The following DTX2 variants were observed in gnomAD, a reference collection of about 807,000 sequenced individuals.
DTX2 encodes the protein deltex E3 ubiquitin ligase 2.
In DTX2, 29 loss-of-function variants were observed where a neutral mutation model predicts 55.3. The observed-to-expected ratio is 0.52, with a 90% CI of 0.39 to 0.71. DTX2 has a LOEUF of 0.71. Ranked by LOEUF, DTX2 falls within the 30% of genes least tolerant of loss-of-function variation. The pLI, the probability that DTX2 is intolerant of heterozygous loss-of-function variation, is 0.00. For missense variants in DTX2, 537 were observed against 822.5 expected (o/e 0.65, Z 4.25); for synonymous variants, 276 against 340.4 (o/e 0.81, Z 2.08).
chr7:76,468,240 G>A (rs1259544415), intron 2 of DTX2, among the ~76,000 whole-genome samples: 1 of 152,160 alleles, frequency 6.6e-6, no homozygotes, highest in Non-Finnish European at 1.5e-5. Context: ...TAGGTGTTGG[G>A]CAAAGGCTGA....
intron 4 of DTX2, among the ~76,000 whole-genome samples, chr7:76,491,337 C>G (rs1336943160): frequency 7.1e-6 from 1 of 141,266 alleles, no homozygotes; most frequent in Non-Finnish European, 1.5e-5. Context: ...CTCTGTTGTC[C>G]AGGCTGGAGT....
intron 2 of DTX2, chr7:76,471,110 C>G (rs1296521310): frequency 1.2e-6 from 1 of 839,014 alleles, no homozygotes; most frequent in African/African-American, 1.7e-5. Flanking sequence ...GAACGAAATC[C>G]TGCTTTGCTT....
chr7:76,469,908 A>T (rs62475630), intron 2 of DTX2, among the ~76,000 whole-genome samples: 30,057 of 147,904 alleles, frequency 0.2, 2,495 homozygotes, highest in South Asian at 0.27. Context: ...GTGGTATGGA[A>T]ATATCCCGCT....
Position 76,483,032 on chromosome 7 carries a change from A to G in DTX2, c.793A>G (p.Asn265Asp). 2 of 1,613,310 alleles carry G rather than the reference A, an allele frequency of 1.2e-6. No individual in the cohort carries two copies. Among genetic ancestry groups the G allele is most frequent in the South Asian group, 2.2e-5 (2 of 91,016 alleles). The change falls in exon 4 of 11, where the codon AAC becomes GAC. Residue 265 changes from asparagine to aspartate, a missense_variant. Physicochemically the swap from Asn to Asp is conservative, Grantham distance 23. Coordinates refer to ENST00000430490, the MANE Select transcript of DTX2 (RefSeq NM_001102594.3). Reference protein sequence around the residue: ...ARSAPRLNTTNAWGAAPPSLG... With the variant: ...ARSAPRLNTTDAWGAAPPSLG... The stretch of plus-strand genomic sequence containing the variant: ...GTCTGCGCCCAGGCTGAACACCACC[A>G]ACGCCTGGGGCGCAGCTCCTCCTTC...
Position 76,505,714 on chromosome 7 carries a change from G to T in DTX2, c.*113G>T. 1 of 1,170,194 alleles carries T rather than the reference G, an allele frequency of 8.5e-7. No homozygotes were observed. Among genetic ancestry groups the T allele is most frequent in the Admixed American group, 2.4e-5 (1 of 42,490 alleles). The allele number at this position is 1,170,194 out of a possible 1,614,324, so 72.5% of individuals were successfully genotyped here. Reference sequence around the variant, plus strand: ...AGGCTGGGAGGTTTGTTGAGGGTGTGGGGTGTGCCCCACCTGAAGCCGGGG... The same window carrying T: ...AGGCTGGGAGGTTTGTTGAGGGTGTTGGGTGTGCCCCACCTGAAGCCGGGG... On this transcript the variant is annotated 3_prime_UTR_variant, in exon 11 of 11. Transcript: ENST00000430490. This position sits in a 1 kb window ranked among gnomAD's most constrained non-coding sequence, Gnocchi z 4.4.
At chr7:76,463,072 ACAAAAAAC>A (rs1403609687) in intron 1 of DTX2, among the ~76,000 whole-genome samples, 1 of 56,336 alleles carries the variant, frequency 1.8e-5, no homozygotes, top group Non-Finnish European at 4.6e-5. Context: ...GTCTCAAAAA[ACAAAAAAC>A]AAACAAACTA....
intron 2 of DTX2, among the ~76,000 whole-genome samples, chr7:76,469,169 A>G (rs1244077128): frequency 6.6e-6 from 1 of 150,516 alleles, no homozygotes; most frequent in Non-Finnish European, 1.5e-5. Flanking sequence ...CACTGCAAAG[A>G]CTTTTTCTGT....
intron 2 of DTX2, among the ~76,000 whole-genome samples, chr7:76,475,882 A>C (rs1808501058): frequency 2.3e-5 from 1 of 44,436 alleles, no homozygotes; most frequent in African/African-American, 9.1e-5. Context: ...CAATCCTCCC[A>C]CCTCAGCCTC....
chr7:76,482,964 A>C lies in DTX2; in HGVS notation c.725A>C (p.Gln242Pro). The change falls in exon 4 of 11, where the codon CAG becomes CCG. Residue 242 changes from glutamine (Q) to proline (P), a missense_variant. Around this residue, in one of 7 missense-constraint regions of DTX2, gnomAD observed 301 missense variants for 396.6 expected, o/e 0.76. Transcript: ENST00000430490. ...HRTASVFGTH[Q>P]AFAPYNKPSL... Reference sequence around the variant, plus strand: ...ACCGCTTCTGTGTTTGGGACCCACCAGGCCTTTGCACCGTACAACAAACCC... The same window carrying C: ...ACCGCTTCTGTGTTTGGGACCCACCCGGCCTTTGCACCGTACAACAAACCC... 6 of 1,613,666 alleles carry C rather than the reference A, an allele frequency of 3.7e-6. No homozygotes were observed. The highest frequency in any genetic ancestry group is 5.1e-6 in the Non-Finnish European group (6 of 1,179,742).
At chr7:76,499,050 G>A in intron 6 of DTX2, among the ~76,000 whole-genome samples, 1 of 47,726 alleles carries the variant, frequency 2.1e-5, no homozygotes, top group Non-Finnish European at 3.8e-5. Context: ...GTGTGTGGAG[G>A]TGGGTGTGTG....
At chr7:76,469,414 A>G (rs1807623035) in intron 2 of DTX2, among the ~76,000 whole-genome samples, 1 of 103,188 alleles carries the variant, frequency 9.7e-6, no homozygotes. Flanking sequence ...TTTTTTTGAG[A>G]CGGATTCTCA....
Position 76,469,525 on chromosome 7 carries a change from T to G in DTX2, c.-90+5816T>G, listed in dbSNP as rs539042914. ...CTCCTGCCTCAGCCTCCCGAGTAAC[T>G]GGGACTACAGGCGCTCGCCACCACA... On this transcript the variant is annotated intron_variant, in intron 2 of 10. Coordinates refer to ENST00000430490, the MANE Select transcript of DTX2 (RefSeq NM_001102594.3). 2.0e-5 allele frequency among the ~76,000 whole-genome samples: 3 copies of G among 150,600 alleles called. 1 individual carries two copies. The South Asian group carries it at 6.3e-4, about 32-fold the overall frequency.
chr7:76,492,475 C>CGGT (rs1810541627), intron 5 of DTX2, among the ~76,000 whole-genome samples: 1 of 114,036 alleles, frequency 8.8e-6, no homozygotes, highest in African/African-American at 3.8e-5. Flanking sequence ...GGTGGGCGCT[C>CGGT]GGGTGCAGAC....
intron 2 of DTX2, among the ~76,000 whole-genome samples, chr7:76,475,736 A>G (rs1808487634): frequency 6.7e-6 from 1 of 149,434 alleles, no homozygotes; most frequent in Admixed American, 6.7e-5. Context: ...TTCCAGTGAC[A>G]TTTTAGTGTT....
intron 7 of DTX2, chr7:76,501,360 G>A (rs1004207065): frequency 2.5e-5 from 11 of 447,916 alleles, no homozygotes; most frequent in Non-Finnish European, 4.9e-5. Flanking sequence ...ACAAGCCCTT[G>A]CCACATTCCC....
In DTX2 at chr7:76,480,389, T is replaced by C. The variant is rs191861142; in HGVS notation, c.-89-32T>C. The C allele has an allele frequency of 1.9e-5, 22 of 1,172,468 alleles. No homozygotes were observed. The East Asian group carries it at 3.3e-4, about 18-fold the overall frequency. The allele number at this position is 1,172,468 out of a possible 1,614,324, so 72.6% of individuals were successfully genotyped here. On this transcript the variant is annotated intron_variant, in intron 2 of 10. Transcript: ENST00000430490. Reference sequence around the variant, plus strand: ...GATTCTGCAGGGCTACTGATGTGCATTGGTAACTGCTCATGTCTGTCCTGT... The same window carrying C: ...GATTCTGCAGGGCTACTGATGTGCACTGGTAACTGCTCATGTCTGTCCTGT...
chr7:76,481,051 C>T (rs1482493211), intron 3 of DTX2, among the ~76,000 whole-genome samples: 1 of 152,280 alleles, frequency 6.6e-6, no homozygotes, highest in Admixed American at 6.5e-5. Context: ...CTTTGGCCGG[C>T]AGGCCGGCAT....
At chr7:76,474,486 A>G (rs1188681687) in intron 2 of DTX2, 1 of 152,214 alleles carries the variant, frequency 6.6e-6, no homozygotes, top group Non-Finnish European at 1.5e-5. Context: ...GTGGCCACCC[A>G]GTAGCTTTCA....
At chr7:76,471,617 C>T (rs1300384721) in intron 2 of DTX2, among the ~76,000 whole-genome samples, 19 of 151,292 alleles carry the variant, frequency 1.3e-4, no homozygotes, top group African/African-American at 4.2e-4. Flanking sequence ...CAACTTTGAA[C>T]CCCTGGGCTC....
Sources: gnomAD v4.1 joint callset for allele counts (sites outside exome capture counted in the v4.1 genomes callset) on GRCh38, gnomAD v4.1.1 for gene constraint, gnomAD v4.1.1 regional missense constraint, Gnocchi (gnomAD v3.1) non-coding constraint, MANE v1.5 for transcripts, NCBI Gene and HGNC (gene_info 2026-07-23, HGNC 2026-07-21) for gene names.